Variants in PACS1 observed in about 807,000 individuals in gnomAD.
PACS1 encodes the protein phosphofurin acidic cluster sorting protein 1.
A neutral mutation model predicts 115.0 loss-of-function variants in PACS1; 24 were observed. The observed-to-expected ratio is 0.21, with a 90% CI of 0.15 to 0.29. The LOEUF (loss-of-function observed/expected upper bound fraction) is 0.29, where lower values mean the gene tolerates loss of function less well. PACS1 is among the 10% of genes least tolerant of loss of function. The pLI is 1.00. For missense variants in PACS1, 838 were observed against 1,251.2 expected (o/e 0.67, Z 4.98); for synonymous variants, 453 against 504.5 (o/e 0.90, Z 1.37).
chr11:66,083,368 G>A (rs1008838795), intron 1 of PACS1, among the ~76,000 whole-genome samples: 1 of 152,076 alleles, frequency 6.6e-6, no homozygotes, highest in Non-Finnish European at 1.5e-5. Flanking sequence ...CTTGTAGGTA[G>A]TCCTATCTCT....
Position 66,230,540 on chromosome 11 carries a change from C to T in PACS1, c.1375-8C>T, listed in dbSNP as rs1201892864. On this transcript the variant is annotated splice_polypyrimidine_tract_variant and splice_region_variant and intron_variant, in intron 11 of 23. Transcript: ENST00000320580. ...GTCATCTTCACTGTTTCCTCTCCTCCATGGTAGGAAATCACTGACCAGGAC... is the reference window on the plus strand; with the variant it reads ...GTCATCTTCACTGTTTCCTCTCCTCTATGGTAGGAAATCACTGACCAGGAC... 6.2e-7 allele frequency: 1 copy of T among 1,606,422 alleles called. No homozygotes were observed. Among genetic ancestry groups the T allele is most frequent in the South Asian group, 1.1e-5 (1 of 90,934 alleles).
intron 5 of PACS1, 44 bp from the exon 6 acceptor site, chr11:66,216,476 G>T (rs747639160): frequency 6.4e-7 from 1 of 1,559,304 alleles, no homozygotes; most frequent in South Asian, 1.1e-5. Flanking sequence ...TCTTAGGCCA[G>T]ATCTTCCCAT....
intron 10 of PACS1, among the ~76,000 whole-genome samples, chr11:66,227,249 C>T (rs1300342166): frequency 1.3e-5 from 2 of 152,184 alleles, no homozygotes; most frequent in Non-Finnish European, 1.5e-5. Context: ...TGCCTAGTGA[C>T]ACCTCGTGGA....
At chr11:66,106,478 A>G (rs1024651949) in intron 1 of PACS1, among the ~76,000 whole-genome samples, 2 of 152,178 alleles carry the variant, frequency 1.3e-5, no homozygotes, top group Non-Finnish European at 2.9e-5. Flanking sequence ...AGGCTGAGAC[A>G]TGAGAATCAC....
intron 1 of PACS1, among the ~76,000 whole-genome samples, chr11:66,158,953 A>G (rs994895204): frequency 2.0e-5 from 3 of 152,334 alleles, no homozygotes; most frequent in African/African-American, 7.2e-5. Flanking sequence ...CTGATGACAA[A>G]TTTTAAAAGC....
chr11:66,224,515 T>C (rs978833698), intron 10 of PACS1, among the ~76,000 whole-genome samples: 8 of 152,220 alleles, frequency 5.3e-5, no homozygotes, highest in Admixed American at 2.0e-4. Context: ...CCGACTACTA[T>C]TGCTTTTATT....
At chr11:66,232,329 C>T (rs891854184) in intron 14 of PACS1, 53 bp downstream of exon 14, 57 of 1,040,552 alleles carry the variant, frequency 5.5e-5, no homozygotes, top group African/African-American at 4.7e-4. Flanking sequence ...AGGCAATGCC[C>T]GGTTGCATTG....
Position 66,216,509 on chromosome 11 carries a change from G to A in PACS1, c.806-11G>A. ...CATTGCAAGGTTATCTTACTCAGGT[G>A]TCTGTTGCAGATCGTTCTCCTGATA... On this transcript the variant is annotated splice_polypyrimidine_tract_variant and intron_variant, in intron 5 of 23. Transcript: ENST00000320580. 1.2e-6 allele frequency: 2 copies of A among 1,608,134 alleles called. No homozygotes were observed. The highest frequency in any genetic ancestry group is 8.5e-7 in the Non-Finnish European group (1 of 1,174,528).
intron 7 of PACS1, chr11:66,217,829 T>C: frequency 3.4e-6 from 1 of 292,676 alleles, no homozygotes; most frequent in Non-Finnish European, 6.7e-6. Context: ...CCCCTACTGC[T>C]GAGGCTTTCT....
intron 1 of PACS1, among the ~76,000 whole-genome samples, chr11:66,098,549 A>C (rs1857837660): frequency 6.6e-6 from 1 of 152,220 alleles, no homozygotes; most frequent in South Asian, 2.1e-4. Flanking sequence ...AGTTAAGGGC[A>C]CTCCCAAATA....
At chr11:66,078,577 T>C (rs1244952238) in intron 1 of PACS1, among the ~76,000 whole-genome samples, 5 of 152,230 alleles carry the variant, frequency 3.3e-5, no homozygotes, top group African/African-American at 1.2e-4. Context: ...TGAGATAGGC[T>C]CTCACTCTGT....
chr11:66,092,004 C>A (rs1030966604), intron 1 of PACS1, among the ~76,000 whole-genome samples: 2 of 152,076 alleles, frequency 1.3e-5, no homozygotes, highest in Admixed American at 6.5e-5. Context: ...GTTGTTATAG[C>A]AGCATGATTT....
chr11:66,107,320 T>G (rs911209216), intron 1 of PACS1, among the ~76,000 whole-genome samples: 1 of 152,174 alleles, frequency 6.6e-6, no homozygotes, highest in Non-Finnish European at 1.5e-5. Context: ...TGTTTGCTCA[T>G]GTGTCATCCA....
At chr11:66,109,853 G>T (rs927229044) in intron 1 of PACS1, among the ~76,000 whole-genome samples, 1 of 152,166 alleles carries the variant, frequency 6.6e-6, no homozygotes, top group African/African-American at 2.4e-5. Context: ...CCTACTGTTT[G>T]CCATTAATAA....
chr11:66,101,185 A>AT (rs980764028), intron 1 of PACS1, among the ~76,000 whole-genome samples: 5 of 152,040 alleles, frequency 3.3e-5, no homozygotes, highest in East Asian at 1.9e-4. Flanking sequence ...TTTTTAATTC[A>AT]TTTTTTTTAA....
chr11:66,195,774 C>T (rs2134677014), intron 2 of PACS1, among the ~76,000 whole-genome samples: 1 of 152,212 alleles, frequency 6.6e-6, no homozygotes, highest in African/African-American at 2.4e-5. Flanking sequence ...TTGTTCTAGG[C>T]ACAGGGGATA....
intron 1 of PACS1, among the ~76,000 whole-genome samples, chr11:66,099,429 T>A (rs1367076523): frequency 6.6e-6 from 1 of 151,884 alleles, no homozygotes; most frequent in East Asian, 1.9e-4. Flanking sequence ...TTTCACTGTG[T>A]TAGCCAGGAT....
chr11:66,221,397 T>C (rs1855343347), intron 10 of PACS1, 150 bp downstream of exon 10: 1 of 671,562 alleles, frequency 1.5e-6, no homozygotes, highest in Non-Finnish European at 2.6e-6. Flanking sequence ...ACTGTAATCC[T>C]GGCACTTTGG....
At chr11:66,126,880 C>T (rs531110821) in intron 1 of PACS1, among the ~76,000 whole-genome samples, 2 of 151,940 alleles carry the variant, frequency 1.3e-5, no homozygotes, top group South Asian at 4.1e-4. Flanking sequence ...TGACTGGCAG[C>T]AAGGGCCTCG....
Sources: gnomAD v4.1 joint callset for allele counts (sites outside exome capture counted in the v4.1 genomes callset) on GRCh38, gnomAD v4.1.1 for gene constraint, MANE v1.5 for transcripts, NCBI Gene and HGNC (gene_info 2026-07-23, HGNC 2026-07-21) for gene names.